Variants in SMAP1 observed in about 807,000 individuals in gnomAD.
SMAP1 encodes small ArfGAP 1.
In SMAP1, 24 loss-of-function variants were observed where a neutral mutation model predicts 58.5. The ratio of observed to expected loss-of-function variants is 0.41; its 90% confidence interval spans 0.30 to 0.58. The LOEUF (loss-of-function observed/expected upper bound fraction) is 0.58. SMAP1 is among the 20% of genes least tolerant of loss of function. The probability of loss-of-function intolerance (pLI) is 0.29; values close to 1 mark genes in which losing one functional copy is unlikely to be tolerated. For synonymous variants in SMAP1, 216 were observed against 196.6 expected (o/e 1.10, Z -0.82); for missense variants, 563 against 566.3 (o/e 0.99, Z 0.06).
chr6:70,836,908 A>G, intron 6 of SMAP1, 33 bp from the exon 7 acceptor site: 2 of 1,483,402 alleles, frequency 1.3e-6, no homozygotes, highest in Non-Finnish European at 1.8e-6. Flanking sequence ...TTTACTTAAG[A>G]AAAATTAATA....
intron 1 of SMAP1, among the ~76,000 whole-genome samples, chr6:70,720,868 C>T (rs140735842): frequency 0.01 from 1,569 of 152,088 alleles, 30 homozygotes; most frequent in African/African-American, 0.035. Flanking sequence ...CCTGGGCCTC[C>T]GCACCTGTGA....
intron 4 of SMAP1, among the ~76,000 whole-genome samples, chr6:70,787,778 A>G (rs915571578): frequency 6.6e-4 from 101 of 151,958 alleles, no homozygotes; most frequent in African/African-American, 2.1e-3. Flanking sequence ...TAGAATGGCA[A>G]TCATTGAAAA....
intron 1 of SMAP1, among the ~76,000 whole-genome samples, chr6:70,673,951 A>G (rs1562084628): frequency 6.6e-6 from 1 of 152,106 alleles, no homozygotes; most frequent in East Asian, 1.9e-4. Flanking sequence ...GACTTCATTA[A>G]TTAAGGAGGC....
chr6:70,800,040 C>T (rs1029380455), intron 6 of SMAP1, among the ~76,000 whole-genome samples: 3 of 151,944 alleles, frequency 2.0e-5, no homozygotes, highest in African/African-American at 7.3e-5. Flanking sequence ...TTTTTGCCTT[C>T]TTTTTTTCAC....
chr6:70,708,035 T>G (rs185627489), intron 1 of SMAP1, among the ~76,000 whole-genome samples: 1 of 152,304 alleles, frequency 6.6e-6, no homozygotes, highest in African/African-American at 2.4e-5. Context: ...AGTGTATAAC[T>G]ATAGTCCTTA....
intron 10 of SMAP1, chr6:70,859,545 T>G (rs766569141): frequency 1.5e-5 from 9 of 600,620 alleles, no homozygotes; most frequent in Non-Finnish European, 2.5e-5. Context: ...TAACTCTGAG[T>G]GTAAGTTTTA....
At chr6:70,766,879 G>A (rs942220659) in intron 3 of SMAP1, among the ~76,000 whole-genome samples, 7 of 152,094 alleles carry the variant, frequency 4.6e-5, no homozygotes, top group Admixed American at 1.3e-4. Flanking sequence ...TATGGTTTTA[G>A]GTCTAACATT....
intron 2 of SMAP1, among the ~76,000 whole-genome samples, chr6:70,747,980 A>G (rs1766114966): frequency 6.6e-6 from 1 of 152,186 alleles, no homozygotes; most frequent in Non-Finnish European, 1.5e-5. Context: ...AAAACAGAGA[A>G]CAGCTTCCCC....
chr6:70,852,637 A>T lies in SMAP1; in HGVS notation c.762A>T (p.Leu254Phe), dbSNP rs1489270674. The T allele has an allele frequency of 1.9e-6, 3 of 1,608,342 alleles. No individual in the cohort carries two copies. The South Asian group carries it at 3.3e-5, about 18-fold the overall frequency. ...TTGGACCGATGATTTCTAATCCCTT[A>T]CCTGCAACTGTCATGCCCCCAGCTC... ...DIFGPMISNP[L>F]PATVMPPAQG... The change falls in exon 8 of 11, where the codon TTA becomes TTT. Residue 254 changes from leucine to phenylalanine, a missense_variant. Coordinates refer to ENST00000370455, the MANE Select transcript of SMAP1 (RefSeq NM_001044305.3).
At chr6:70,810,623 C>G (rs774469292) in intron 6 of SMAP1, among the ~76,000 whole-genome samples, 3 of 152,130 alleles carry the variant, frequency 2.0e-5, no homozygotes, top group Non-Finnish European at 2.9e-5. Flanking sequence ...TTCATTCAGG[C>G]TGGAGGGCAG....
chr6:70,731,067 T>A (rs560219956), intron 1 of SMAP1, among the ~76,000 whole-genome samples: 2 of 152,378 alleles, frequency 1.3e-5, no homozygotes, highest in East Asian at 3.9e-4. Context: ...CCCAAAGTGC[T>A]GGGATTACAG....
At chr6:70,856,813 G>A (rs1771444002) in intron 8 of SMAP1, 46 bp from the exon 9 acceptor site, 18 of 1,523,680 alleles carry the variant, frequency 1.2e-5, no homozygotes, top group African/African-American at 2.8e-5. Context: ...GATAAGCTGC[G>A]CTTTACTATG....
intron 6 of SMAP1, among the ~76,000 whole-genome samples, chr6:70,829,651 A>G (rs62419726): frequency 1.2e-4 from 19 of 152,200 alleles, no homozygotes; most frequent in Non-Finnish European, 2.4e-4. Context: ...AAAAAGTTGA[A>G]TGTAATACAT....
intron 6 of SMAP1, among the ~76,000 whole-genome samples, chr6:70,800,468 C>T (rs554620442): frequency 1.6e-4 from 24 of 152,038 alleles, no homozygotes; most frequent in African/African-American, 5.3e-4. Context: ...TAAGTGTTTG[C>T]AAATACCTTA....
intron 4 of SMAP1, among the ~76,000 whole-genome samples, chr6:70,773,769 C>T (rs1266539186): frequency 3.9e-5 from 6 of 152,124 alleles, no homozygotes; most frequent in Non-Finnish European, 8.8e-5. Flanking sequence ...AAATATATGT[C>T]TTCCTCTAAG....
chr6:70,860,137 T>TAA, intron 10 of SMAP1, 63 bp from the exon 11 acceptor site: 1 of 1,505,516 alleles, frequency 6.6e-7, no homozygotes, highest in Non-Finnish European at 8.9e-7. Context: ...ACTGTGTGGC[T>TAA]AAAGAAACAA....
chr6:70,793,753 C>CT (rs1329542628), intron 5 of SMAP1, among the ~76,000 whole-genome samples: 1 of 151,776 alleles, frequency 6.6e-6, no homozygotes, highest in Non-Finnish European at 1.5e-5. Context: ...CAGAGTTTCG[C>CT]TCTTGTTGCC....
At chr6:70,780,093 CATT>C (rs2149923596) in intron 4 of SMAP1, among the ~76,000 whole-genome samples, 1 of 152,248 alleles carries the variant, frequency 6.6e-6, no homozygotes, top group South Asian at 2.1e-4. Context: ...ATGGCCCGCT[CATT>C]ATTTGATTTA....
At chr6:70,692,477 T>C (rs930716724) in intron 1 of SMAP1, among the ~76,000 whole-genome samples, 1 of 152,238 alleles carries the variant, frequency 6.6e-6, no homozygotes, top group African/African-American at 2.4e-5. Context: ...TTGCCTGTGT[T>C]TGTGGGGTAC....
Sources: allele counts gnomAD v4.1 joint callset (sites outside exome capture counted in the v4.1 genomes callset), GRCh38; gene constraint gnomAD v4.1.1; transcripts MANE v1.5; gene names NCBI Gene and HGNC (gene_info 2026-07-23, HGNC 2026-07-21).